USP48: variants seen among roughly 807,000 people sequenced by gnomAD.
The protein encoded by USP48 is ubiquitin carboxyl-terminal hydrolase 48.
USP48 carries 43 observed loss-of-function variants against 150.7 expected under a neutral mutation model. The observed-to-expected ratio is 0.29, with a 90% CI of 0.22 to 0.37. The LOEUF (loss-of-function observed/expected upper bound fraction) is 0.37, where lower values mean the gene tolerates loss of function less well. Among genes scored for constraint, USP48 ranks in the 10% least tolerant of loss-of-function variants. USP48 has a pLI of 1.00. For synonymous variants in USP48, 396 were observed against 425.9 expected, an observed-to-expected ratio of 0.93 and a Z score of 0.86; for missense variants, 813 against 1,249.6, an observed-to-expected ratio of 0.65 and a Z score of 5.27.
At chr1:21,728,800 A>G in intron 10 of USP48, 81 bp from the exon 11 acceptor site, 2 of 1,496,176 alleles carry the variant, frequency 1.3e-6, no homozygotes, top group Non-Finnish European at 9.0e-7. Context: ...AAATCATATC[A>G]AATACTGATT....
rs567308036 is a variant in USP48, at chr1:21,706,793, G to A, written c.2039C>T (p.Pro680Leu). 6.2e-7 allele frequency: 1 copy of A among 1,613,690 alleles called. No individual in the cohort carries two copies. The highest frequency in any genetic ancestry group is 1.3e-5 in the African/African-American group (1 of 74,878). The change falls in exon 16 of 27, where the codon CCA becomes CTA. Residue 680 changes from proline to leucine, a missense_variant. Pro to Leu is a moderately conservative substitution (Grantham distance 98). Coordinates refer to ENST00000308271, the MANE Select transcript of USP48 (RefSeq NM_032236.8). The part of the protein sequence containing the change: ...EAWSKLQQYF[P>L]KAPEFPSYKE... ...GTAACTTGGAAACTCAGGAGCCTTTGGAAAGTACTGCTGCAGTTTGCTCCA... is the reference window on the plus strand; with the variant it reads ...GTAACTTGGAAACTCAGGAGCCTTTAGAAAGTACTGCTGCAGTTTGCTCCA...
At chr1:21,680,738 C>T (rs2097563490) in intron 26 of USP48, 70 bp downstream of exon 26, 3 of 1,404,138 alleles carry the variant, frequency 2.1e-6, no homozygotes, top group Non-Finnish European at 2.9e-6. Context: ...CAAATTATAG[C>T]CTTCGCTTTA....
intron 11 of USP48, 152 bp from the exon 12 acceptor site, chr1:21,724,247 G>A (rs2097730167): frequency 1.3e-5 from 10 of 758,206 alleles, no homozygotes; most frequent in East Asian, 2.7e-5. Flanking sequence ...TGATGAGTAC[G>A]ACACAAAGCT....
chr1:21,690,915 T>C (rs1022762579), intron 23 of USP48, among the ~76,000 whole-genome samples: 1 of 152,168 alleles, frequency 6.6e-6, no homozygotes, highest in Non-Finnish European at 1.5e-5. Flanking sequence ...ATTCAGCCTT[T>C]GGAACTGTCA....
intron 8 of USP48, among the ~76,000 whole-genome samples, chr1:21,744,967 G>GAA (rs1557552087): frequency 6.6e-6 from 1 of 151,900 alleles, no homozygotes; most frequent in Non-Finnish European, 1.5e-5. Context: ...ATCTTCTTTT[G>GAA]GATCCATCTT....
chr1:21,702,252 TAA>T (rs1212790096), intron 21 of USP48, among the ~76,000 whole-genome samples: 3 of 152,166 alleles, frequency 2.0e-5, no homozygotes, highest in South Asian at 2.1e-4. Flanking sequence ...GGCATAATTA[TAA>T]GTTACCCTTC....
intron 14 of USP48, among the ~76,000 whole-genome samples, chr1:21,718,564 CT>C (rs5772963): frequency 3.1e-4 from 46 of 146,834 alleles, no homozygotes; most frequent in Admixed American, 3.4e-4. Flanking sequence ...AGGCCTTTTT[CT>C]TTTTTTTTTT....
intron 8 of USP48, among the ~76,000 whole-genome samples, chr1:21,741,860 G>C (rs1319561024): frequency 2.6e-5 from 4 of 152,088 alleles, no homozygotes; most frequent in Non-Finnish European, 5.9e-5. Context: ...TGTGGTCCCA[G>C]CTACTCAGGA....
chr1:21,721,771 G>A lies in USP48; in HGVS notation c.1649-7C>T, dbSNP rs1220242257. On this transcript the variant is annotated splice_region_variant and splice_polypyrimidine_tract_variant and intron_variant, in intron 12 of 26. Coordinates refer to ENST00000308271, the MANE Select transcript of USP48 (RefSeq NM_032236.8). ...TCCTTACACAGGGCTTTCACTACAG[G>A]CAAGAAAGAATGAAAGGAAATATAT... The A allele has an allele frequency of 1.3e-6, 2 of 1,549,848 alleles. No individual in the cohort carries two copies. Among genetic ancestry groups the A allele is most frequent in the Non-Finnish European group, 1.8e-6 (2 of 1,140,902 alleles).
At position 21,722,033 on chromosome 1, in the gene USP48, A is replaced by G. The variant is rs187657437; in HGVS notation, c.1649-269T>C. 3.9e-5 allele frequency among the ~76,000 whole-genome samples: 6 copies of G among 152,292 alleles called. No homozygotes were observed. The East Asian group carries it at 1.2e-3, about 29-fold the overall frequency. ...AAATACAGTATCTGACAAGGTTTAC[A>G]TGCAATCTTTACAAGATGATAATCA... On this transcript the variant is annotated intron_variant, in intron 12 of 26. Coordinates refer to ENST00000308271, the MANE Select transcript of USP48 (RefSeq NM_032236.8).
chr1:21,738,132 A>T (rs1331595802), intron 8 of USP48, among the ~76,000 whole-genome samples: 1 of 151,950 alleles, frequency 6.6e-6, no homozygotes, highest in Middle Eastern at 3.2e-3. Flanking sequence ...ATCTCGGCTC[A>T]CTGCAACCTC....
chr1:21,696,204 C>T (rs906976341), intron 22 of USP48, among the ~76,000 whole-genome samples: 5 of 151,974 alleles, frequency 3.3e-5, no homozygotes, highest in African/African-American at 4.8e-5. Flanking sequence ...TCTGGGAGGC[C>T]GAAGTGGGCA....
At chr1:21,746,237 C>T (rs1281143895) in intron 8 of USP48, among the ~76,000 whole-genome samples, 2 of 152,116 alleles carry the variant, frequency 1.3e-5, no homozygotes, top group African/African-American at 2.4e-5. Context: ...CAGTGGCTCA[C>T]GCCTGTAATC....
chr1:21,678,857 A>T lies in USP48; in HGVS notation c.*560T>A, dbSNP rs1230645430. On this transcript the variant is annotated 3_prime_UTR_variant, in exon 27 of 27. Transcript: ENST00000308271. ...TGTAAGGCGGGTGGCGCTGCAGCTG[A>T]CATGGAGAAGAGTCTAAATCTGAAG... 6.2e-6 allele frequency: 1 copy of T among 160,398 alleles called. No homozygotes were observed. The highest frequency in any genetic ancestry group is 1.3e-5 in the Non-Finnish European group (1 of 74,086). 9.9% of individuals were successfully genotyped at this position (160,398 alleles called of 1,614,324 possible).
At chr1:21,732,229 A>C (rs2097758604) in intron 9 of USP48, among the ~76,000 whole-genome samples, 1 of 151,900 alleles carries the variant, frequency 6.6e-6, no homozygotes. Flanking sequence ...TGGTGGGCCA[A>C]GATAGCACCA....
rs1416685546 is a variant in USP48, at chr1:21,717,516, C to G, written c.1895-2059G>C. Reference sequence around the variant, plus strand: ...TAAAAAAATGGGCAAAGGAAGGATACAACCAGATAATTCTGTCTCCTCTTT... The same window carrying G: ...TAAAAAAATGGGCAAAGGAAGGATAGAACCAGATAATTCTGTCTCCTCTTT... On this transcript the variant is annotated intron_variant, in intron 14 of 26. Transcript: ENST00000308271. Among the ~76,000 whole-genome samples the G allele has an allele frequency of 2.0e-5, 3 of 152,060 alleles. No homozygotes were observed. In the South Asian group the frequency reaches 6.2e-4, roughly 32 times the overall value.
intron 8 of USP48, among the ~76,000 whole-genome samples, chr1:21,739,245 C>A (rs1017318265): frequency 5.3e-5 from 8 of 151,840 alleles, no homozygotes; most frequent in African/African-American, 1.2e-4. Context: ...ACAGGCTGGG[C>A]GCAGTGGCTC....
intron 26 of USP48, 116 bp from the exon 27 acceptor site, chr1:21,679,555 C>T (rs1295121409): frequency 3.1e-6 from 4 of 1,281,072 alleles, no homozygotes; most frequent in African/African-American, 3.0e-5. Flanking sequence ...TAAATGAACA[C>T]AGTCGCACCT....
At chr1:21,716,354 C>G (rs1442794766) in intron 14 of USP48, among the ~76,000 whole-genome samples, 1 of 152,128 alleles carries the variant, frequency 6.6e-6, no homozygotes, top group Admixed American at 6.5e-5. Context: ...TGCTAGGTGA[C>G]CAGTCAGTAG....
Sources: allele counts gnomAD v4.1 joint callset (sites outside exome capture counted in the v4.1 genomes callset), GRCh38; gene constraint gnomAD v4.1.1; transcripts MANE v1.5; gene names NCBI Gene and HGNC (gene_info 2026-07-23, HGNC 2026-07-21).